Variants in MAP3K8 observed in about 807,000 individuals in gnomAD.
MAP3K8 encodes mitogen-activated protein kinase kinase kinase 8, also known as Ewing sarcoma transformant.
A neutral mutation model predicts 45.8 loss-of-function variants in MAP3K8; 22 were observed. The observed-to-expected ratio is 0.48, with a 90% CI of 0.34 to 0.69. The LOEUF (loss-of-function observed/expected upper bound fraction) is 0.69, where lower values mean the gene tolerates loss of function less well. MAP3K8 is among the 30% of genes least tolerant of loss of function. The pLI is 0.01. For synonymous variants in MAP3K8, 223 were observed against 214.3 expected (o/e 1.04, Z -0.36); for missense variants, 419 against 585.0 (o/e 0.72, Z 2.93).
Position 30,459,398 on chromosome 10 carries a change from GC to G in MAP3K8, c.1173del (p.Arg392GlufsTer21). On this transcript the variant is annotated frameshift_variant, in exon 8 of 9. Coordinates refer to ENST00000263056, the MANE Select transcript of MAP3K8 (RefSeq NM_005204.4). LOFTEE classifies it high-confidence loss of function. ...DLLKHEALNP[P>X]REDQPRCQSL... ...TACTAAAACATGAGGCCCTGAACCC[GC>G]CCAGAGAGGATCAGCCACGCTGTCA... is the stretch of plus-strand genomic sequence containing the variant. The G allele has an allele frequency of 6.2e-7, 1 of 1,614,134 alleles. No individual in the cohort carries two copies. The highest frequency in any genetic ancestry group is 8.5e-7 in the Non-Finnish European group (1 of 1,180,022).
chr10:30,435,014 AT>A (rs1487286684), intron 1 of MAP3K8, among the ~76,000 whole-genome samples: 1 of 152,092 alleles, frequency 6.6e-6, no homozygotes, highest in Non-Finnish European at 1.5e-5. Flanking sequence ...AAAAAAAGTT[AT>A]TTTCACGGAA....
intron 6 of MAP3K8, among the ~76,000 whole-genome samples, chr10:30,452,076 G>A (rs141543548): frequency 3.9e-5 from 6 of 152,252 alleles, no homozygotes; most frequent in African/African-American, 1.4e-4. Context: ...GCTAATGCCT[G>A]TAATCCCAGT....
intron 4 of MAP3K8, among the ~76,000 whole-genome samples, chr10:30,449,743 C>T (rs1359462671): frequency 6.6e-6 from 1 of 152,146 alleles, no homozygotes; most frequent in African/African-American, 2.4e-5. Flanking sequence ...CTCCTAGCCT[C>T]AAGTGATCTG....
At chr10:30,460,041 C>A (rs971597381) in intron 8 of MAP3K8, among the ~76,000 whole-genome samples, 4 of 152,128 alleles carry the variant, frequency 2.6e-5, no homozygotes, top group African/African-American at 4.8e-5. Context: ...TGGGGTTTCA[C>A]CGTGTTGGCC....
chr10:30,455,068 GATA>G (rs1370024592), intron 6 of MAP3K8, among the ~76,000 whole-genome samples: 1 of 152,174 alleles, frequency 6.6e-6, no homozygotes, highest in Admixed American at 6.5e-5. Context: ...ATGGATATGA[GATA>G]ATAACATATT....
chr10:30,448,813 C>T (rs767620575), intron 4 of MAP3K8, among the ~76,000 whole-genome samples: 1 of 152,028 alleles, frequency 6.6e-6, no homozygotes, highest in African/African-American at 2.4e-5. Context: ...GCATTCACAC[C>T]CCCTATGACT....
chr10:30,437,058 C>A, intron 1 of MAP3K8, 118 bp from the exon 2 acceptor site: 1 of 384,826 alleles, frequency 2.6e-6, no homozygotes, highest in Non-Finnish European at 3.6e-6. Flanking sequence ...CGAAGATGTA[C>A]AAGATCTCAG....
chr10:30,451,527 A>G lies in MAP3K8; in HGVS notation c.767-111A>G, dbSNP rs1836538353. ...ATAATACAACCATCTCACTAGAGGA[A>G]GCATTTCAGTCTTTTCTGATTGGAG... is the stretch of plus-strand genomic sequence containing the variant. On this transcript the variant is annotated intron_variant, in intron 5 of 8. Transcript: ENST00000263056. The G allele has an allele frequency of 1.3e-5, 7 of 539,940 alleles. No homozygotes were observed. The East Asian group carries it at 2.1e-4, about 16-fold the overall frequency. 33.4% of individuals were successfully genotyped at this position (539,940 alleles called of 1,614,324 possible).
Position 30,450,526 on chromosome 10 carries a change from A to G in MAP3K8, c.766+7A>G. The G allele has an allele frequency of 6.2e-7, 1 of 1,613,668 alleles. No individual in the cohort carries two copies. Among genetic ancestry groups the G allele is most frequent in the Non-Finnish European group, 8.5e-7 (1 of 1,179,624 alleles). ...ATCCATCATGATATTAAACGTAAGT[A>G]TCTTTGGACATATACCTTTTTGGCT... On this transcript the variant is annotated splice_region_variant and intron_variant, in intron 5 of 8. Transcript: ENST00000263056.
intron 6 of MAP3K8, among the ~76,000 whole-genome samples, chr10:30,457,251 A>G (rs772288457): frequency 2.0e-5 from 3 of 152,222 alleles, no homozygotes; most frequent in Admixed American, 6.5e-5. Context: ...TAACTTATAC[A>G]ATGTTAATAT....
chr10:30,461,357 A>T lies in MAP3K8; in HGVS notation c.*521A>T, dbSNP rs1836934017. 4.8e-6 allele frequency: 1 copy of T among 208,950 alleles called. No homozygotes were observed. The highest frequency in any genetic ancestry group is 2.3e-5 in the African/African-American group (1 of 44,046). 12.9% of individuals were successfully genotyped at this position (208,950 alleles called of 1,614,324 possible). ...CTTGAAGATTGTAGCAATAAGCTGG[A>T]CTAGTGTCCTAAAAATGGCTAACTG... On this transcript the variant is annotated 3_prime_UTR_variant, in exon 9 of 9. Transcript: ENST00000263056.
chr10:30,439,896 A>G (rs574308583), intron 3 of MAP3K8, among the ~76,000 whole-genome samples: 1 of 152,260 alleles, frequency 6.6e-6, no homozygotes, highest in Non-Finnish European at 1.5e-5. Flanking sequence ...GCTTAATGAG[A>G]CTCCTTCGTC....
chr10:30,458,301 C>A, intron 7 of MAP3K8, 65 bp downstream of exon 7: 5 of 1,188,634 alleles, frequency 4.2e-6, no homozygotes, highest in African/African-American at 1.6e-5. Flanking sequence ...ATCCCGCAGG[C>A]TTGGGAGGGA....
intron 1 of MAP3K8, among the ~76,000 whole-genome samples, chr10:30,436,967 G>A (rs1169306729): frequency 6.6e-6 from 1 of 151,496 alleles, no homozygotes; most frequent in East Asian, 1.9e-4. Context: ...CAGTAAAACC[G>A]AAGTCAAATG....
intron 6 of MAP3K8, among the ~76,000 whole-genome samples, chr10:30,452,640 C>T (rs1281292290): frequency 4.0e-5 from 6 of 151,820 alleles, no homozygotes; most frequent in Non-Finnish European, 8.8e-5. Context: ...AAAAAAGCCC[C>T]CCAAAATAGA....
At position 30,461,574 on chromosome 10, in the gene MAP3K8, A is replaced by C. The variant is rs938528286; in HGVS notation, c.*738A>C. 5.2e-6 allele frequency: 1 copy of C among 190,692 alleles called. No individual in the cohort carries two copies. Among genetic ancestry groups the C allele is most frequent in the Non-Finnish European group, 1.1e-5 (1 of 90,786 alleles). The allele number at this position is 190,692 out of a possible 1,614,324, so 11.8% of individuals were successfully genotyped here. The stretch of plus-strand genomic sequence containing the variant: ...AGAATGTGACCTTTAAGAAAAATGA[A>C]AACTTTTGTAAATTATTGATGATTT... On this transcript the variant is annotated 3_prime_UTR_variant, in exon 9 of 9. Transcript: ENST00000263056.
chr10:30,445,279 C>G (rs931782477), intron 3 of MAP3K8, among the ~76,000 whole-genome samples: 1 of 152,132 alleles, frequency 6.6e-6, no homozygotes, highest in African/African-American at 2.4e-5. Flanking sequence ...TGCCTGTAAT[C>G]CCAGCTACTT....
chr10:30,457,749 G>T (rs1369973952), intron 6 of MAP3K8, among the ~76,000 whole-genome samples: 3 of 152,126 alleles, frequency 2.0e-5, no homozygotes, highest in Non-Finnish European at 4.4e-5. Context: ...GAGCTCAAGC[G>T]ATTCTCCTTG....
chr10:30,451,580 C>T (rs1836540215), intron 5 of MAP3K8, 58 bp from the exon 6 acceptor site: 1 of 860,944 alleles, frequency 1.2e-6, no homozygotes, highest in Admixed American at 2.2e-5. Context: ...ATAATGTTTT[C>T]ATTTGACTTA....
Sources: gnomAD v4.1 joint callset for allele counts (sites outside exome capture counted in the v4.1 genomes callset) on GRCh38, gnomAD v4.1.1 for gene constraint, MANE v1.5 for transcripts, NCBI Gene and HGNC (gene_info 2026-07-23, HGNC 2026-07-21) for gene names.